CARF: variants seen among roughly 807,000 people sequenced by gnomAD.
The protein encoded by CARF is calcium responsive transcription factor, also known as calcium-responsive transcription factor.
CARF carries 57 observed loss-of-function variants against 82.0 expected under a neutral mutation model. The observed-to-expected ratio is 0.70, with a 90% confidence interval of 0.56 to 0.87. The LOEUF is 0.87. Among genes scored for constraint, CARF ranks in the 40% least tolerant of loss-of-function variants. The probability of loss-of-function intolerance (pLI) is 0.00; values close to 1 mark genes in which losing one functional copy is unlikely to be tolerated. For missense variants in CARF, 771 were observed against 855.8 expected (o/e 0.90, Z 1.24); for synonymous variants, 268 against 290.1 (o/e 0.92, Z 0.77).
chr2:202,967,097 C>T lies in CARF; in HGVS notation c.952C>T (p.Arg318Trp), dbSNP rs573329159. 1.5e-5 allele frequency: 24 copies of T among 1,610,548 alleles called. No individual in the cohort carries two copies. The highest frequency in any genetic ancestry group is 2.2e-5 in the East Asian group (1 of 44,800). ...GCTCTACAAAGCCACTTGTCCAGCTCGGTAAGCTTTATTTTCTTTTATTTG... is the reference window on the plus strand; with the variant it reads ...GCTCTACAAAGCCACTTGTCCAGCTTGGTAAGCTTTATTTTCTTTTATTTG... ...CQLYKATCPARIYIKKVQKFP... is the reference protein window; with the variant it reads ...CQLYKATCPAWIYIKKVQKFP... Residue 318 changes from arginine (R) to tryptophan (W), a missense_variant and splice_region_variant, in exon 10 of 17, where the codon CGG (arginine) becomes TGG (tryptophan). By Grantham distance (101) the Arg-to-Trp change is moderately radical. Transcript: ENST00000438828.
At chr2:202,971,834 C>A in intron 12 of CARF, 96 bp downstream of exon 12, 2 of 733,758 alleles carry the variant, frequency 2.7e-6, no homozygotes, top group Non-Finnish European at 4.5e-6. Context: ...AAAATATATG[C>A]TATCAGGGTA....
Position 202,941,970 on chromosome 2 carries a change from A to C in CARF, c.68A>C (p.Gln23Pro). 1 of 1,613,286 alleles carries C rather than the reference A, an allele frequency of 6.2e-7. No homozygotes were observed. The highest frequency in any genetic ancestry group is 8.5e-7 in the Non-Finnish European group (1 of 1,179,438). The stretch of plus-strand genomic sequence containing the variant: ...GGTGAAGAGTCAAAAACCAGTGCTC[A>C]AGTATTTGAGGTATGGATTCAGCTG... Reference protein sequence around the residue: ...NDGEESKTSAQVFEHLICMDS... With the variant: ...NDGEESKTSAPVFEHLICMDS... The change falls in exon 4 of 17, where the codon CAA becomes CCA. Residue 23 changes from glutamine to proline, a missense_variant. By Grantham distance (76) the Gln-to-Pro change is moderately conservative (BLOSUM62 -1). Transcript: ENST00000438828.
At position 202,964,881 on chromosome 2, in the gene CARF, G is replaced by GTATATATATATATATATATACATATA. The variant is rs893533966; in HGVS notation, c.833-2096_833-2095insATATATATATATATATATACATATAT. Among the ~76,000 whole-genome samples, 5 of 91,174 alleles carry GTATATATATATATATATATACATATA rather than the reference G, an allele frequency of 5.5e-5. No individual in the cohort carries two copies. In the South Asian group the frequency reaches 2.1e-3, roughly 38 times the overall value. 59.8% of individuals were successfully genotyped at this position (91,174 alleles called of 152,430 possible). A position where few individuals can be genotyped will look rare whatever the true frequency, so the allele number is the denominator to read the frequency against. On this transcript the variant is annotated intron_variant, in intron 9 of 16. Coordinates refer to ENST00000438828, the MANE Select transcript of CARF (RefSeq NM_024744.17). Reference sequence around the variant, plus strand: ...TCCTTATATATATATATACATATATGTGTATATATATATATATATACACAC... The same window carrying GTATATATATATATATATATACATATA: ...TCCTTATATATATATATACATATATGTATATATATATATATATATACATATATGTATATATATATATATATACACAC...
chr2:202,942,000 C>T lies in CARF; in HGVS notation c.78+20C>T. ...TTTGAGGTATGGATTCAGCTGGGAACCTTTTTCCATCCTAGGGTAAAACAG... is the reference window on the plus strand; with the variant it reads ...TTTGAGGTATGGATTCAGCTGGGAATCTTTTTCCATCCTAGGGTAAAACAG... On this transcript the variant is annotated intron_variant, in intron 4 of 16. Transcript: ENST00000438828. The T allele has an allele frequency of 6.3e-7, 1 of 1,597,146 alleles. No homozygotes were observed. The highest frequency in any genetic ancestry group is 8.6e-7 in the Non-Finnish European group (1 of 1,165,102).
At chr2:202,970,736 G>C (rs1323992432) in intron 11 of CARF, among the ~76,000 whole-genome samples, 2 of 152,104 alleles carry the variant, frequency 1.3e-5, no homozygotes, top group Non-Finnish European at 1.5e-5. Flanking sequence ...AGATCCTGCA[G>C]TTTGAAGAGC....
rs201571899 is a variant in CARF, at chr2:202,982,143, G to A, written c.1761G>A (p.Pro587=). The A allele has an allele frequency of 1.3e-3, 2,019 of 1,614,078 alleles. 4 individuals are homozygous for A. Among genetic ancestry groups the A allele is most frequent in the Non-Finnish European group, 1.5e-3 (1,787 of 1,179,960 alleles). Residue 587 remains proline (P), a synonymous_variant, in exon 16 of 17, where the codon CCG becomes CCA. Transcript: ENST00000438828. ...CTGTGGTATCAGTAAATAACCAGCCGTCCTCTAGTCCTTCAGGACTTCTGG... is the reference window on the plus strand; with the variant it reads ...CTGTGGTATCAGTAAATAACCAGCCATCCTCTAGTCCTTCAGGACTTCTGG... ...SPAVVSVNNQ[P]SSSPSGLLDT...
At chr2:202,917,237 G>T (rs1024751804) in intron 1 of CARF, among the ~76,000 whole-genome samples, 1 of 51,640 alleles carries the variant, frequency 1.9e-5, no homozygotes, top group African/African-American at 6.0e-5. Context: ...AAAAAAAAAA[G>T]CGCTGAGCTG....
chr2:202,954,014 AAG>A lies in CARF; in HGVS notation c.441_442del (p.Lys148ThrfsTer3). ...TGTTTTTGTTGTTAAGATGTCCCTG[AAG>A]AGAAACCCAGTAACAGAAACTTACC... is the stretch of plus-strand genomic sequence containing the variant. On this transcript the variant is annotated frameshift_variant, in exon 7 of 17. Coordinates refer to ENST00000438828, the MANE Select transcript of CARF (RefSeq NM_024744.17). LOFTEE classifies it high-confidence loss of function. 1 of 1,607,960 alleles carries A rather than the reference AAG, an allele frequency of 6.2e-7. No individual in the cohort carries two copies. Among genetic ancestry groups the A allele is most frequent in the East Asian group, 2.2e-5 (1 of 44,500 alleles).
At chr2:202,977,417 A>G in intron 14 of CARF, 85 bp downstream of exon 14, 1 of 1,006,942 alleles carries the variant, frequency 9.9e-7, no homozygotes, top group South Asian at 1.4e-5. Flanking sequence ...ATCTAATCAA[A>G]TTTTATAGAT....
At chr2:202,973,944 C>T (rs894780608) in intron 12 of CARF, among the ~76,000 whole-genome samples, 4 of 151,632 alleles carry the variant, frequency 2.6e-5, no homozygotes, top group African/African-American at 7.3e-5. Flanking sequence ...AAAAATTAGC[C>T]GGGCGTGGTG....
At chr2:202,982,585 G>A in intron 16 of CARF, 144 bp downstream of exon 16, 1 of 774,024 alleles carries the variant, frequency 1.3e-6, no homozygotes, top group Non-Finnish European at 2.0e-6. Context: ...AGAGAAGGAG[G>A]AGATTTCATT....
intron 3 of CARF, among the ~76,000 whole-genome samples, chr2:202,938,596 A>C (rs2058062277): frequency 8.1e-6 from 1 of 123,128 alleles, no homozygotes; most frequent in African/African-American, 3.2e-5. Context: ...TTAATCTTAA[A>C]GTATCTTCCT....
At chr2:202,963,607 T>A (rs1559254042) in intron 9 of CARF, among the ~76,000 whole-genome samples, 1 of 152,194 alleles carries the variant, frequency 6.6e-6, no homozygotes, top group African/African-American at 2.4e-5. Context: ...CTATTATTAC[T>A]ACATTGTAAT....
chr2:202,947,739 G>A (rs1410187337), intron 5 of CARF, among the ~76,000 whole-genome samples: 1 of 152,186 alleles, frequency 6.6e-6, no homozygotes, highest in Non-Finnish European at 1.5e-5. Context: ...GTTCGATATA[G>A]ATGCTGGATA....
At chr2:202,959,592 G>T (rs2059211128) in intron 8 of CARF, among the ~76,000 whole-genome samples, 1 of 152,210 alleles carries the variant, frequency 6.6e-6, no homozygotes, top group Admixed American at 6.5e-5. Flanking sequence ...GCTGAGGCAG[G>T]CAGATCACCT....
rs776037236 is a variant in CARF, at chr2:202,967,043, G to C, written c.898G>C (p.Val300Leu). Reference sequence around the variant, plus strand: ...AAGAAAAGGTTTCCAGTTAAAAAAAGTCAGTGAGCAGGAAAGCAGGTCTTG... The same window carrying C: ...AAGAAAAGGTTTCCAGTTAAAAAAACTCAGTGAGCAGGAAAGCAGGTCTTG... The part of the protein sequence containing the change: ...PRRKGFQLKK[V>L]SEQESRSCQL... Residue 300 changes from valine (V) to leucine (L), a missense_variant, in exon 10 of 17, where the codon GTC becomes CTC. By Grantham distance (32) the Val-to-Leu change is conservative. Transcript: ENST00000438828. 6.2e-6 allele frequency: 10 copies of C among 1,613,948 alleles called. No homozygotes were observed. In the South Asian group the frequency reaches 9.9e-5, roughly 16 times the overall value.
intron 5 of CARF, among the ~76,000 whole-genome samples, chr2:202,943,468 T>C (rs2058331177): frequency 6.6e-6 from 1 of 152,170 alleles, no homozygotes; most frequent in African/African-American, 2.4e-5. Flanking sequence ...CTTTAAACAG[T>C]ACTTATGAGT....
chr2:202,914,743 C>G (rs968771006), intron 1 of CARF, among the ~76,000 whole-genome samples: 4 of 138,788 alleles, frequency 2.9e-5, no homozygotes, highest in Non-Finnish European at 6.1e-5. Flanking sequence ...CACGCCACTT[C>G]ACTCCAGCCT....
At chr2:202,962,726 C>G (rs1559252234) in intron 9 of CARF, 1 of 151,994 alleles carries the variant, frequency 6.6e-6, no homozygotes, top group Non-Finnish European at 1.5e-5. Flanking sequence ...TATTGTTTTG[C>G]AAATATTTTC....
Sources: allele counts gnomAD v4.1 joint callset (sites outside exome capture counted in the v4.1 genomes callset), GRCh38; gene constraint gnomAD v4.1.1; transcripts MANE v1.5; gene names NCBI Gene and HGNC (gene_info 2026-07-23, HGNC 2026-07-21).